SLC4A10: variants seen among roughly 807,000 people sequenced by gnomAD.
SLC4A10 encodes the protein solute carrier family 4 member 10, also known as sodium-driven chloride bicarbonate exchanger.
In SLC4A10, 42 loss-of-function variants were observed where a neutral mutation model predicts 137.7. That is an observed-to-expected ratio of 0.30 (90% confidence interval 0.24 to 0.39). SLC4A10 has a LOEUF of 0.39. Ranked by LOEUF, SLC4A10 falls within the 10% of genes least tolerant of loss-of-function variation. The pLI, the probability that SLC4A10 is intolerant of heterozygous loss-of-function variation, is 1.00. For synonymous variants in SLC4A10, 474 were observed against 464.1 expected (o/e 1.02, Z -0.27); for missense variants, 925 against 1,355.0 (o/e 0.68, Z 4.98).
At chr2:161,971,860 G>C (rs973948663) in intron 23 of SLC4A10, among the ~76,000 whole-genome samples, 6 of 152,134 alleles carry the variant, frequency 3.9e-5, no homozygotes, top group Non-Finnish European at 7.3e-5. Context: ...ATAGAATTAT[G>C]ACTAGTATAA....
At chr2:161,771,717 T>A (rs1022277195) in intron 2 of SLC4A10, among the ~76,000 whole-genome samples, 13 of 151,908 alleles carry the variant, frequency 8.6e-5, no homozygotes, top group African/African-American at 2.9e-4. Context: ...TTACTTAGAA[T>A]AGTACCTGGC....
chr2:161,870,862 T>C (rs2061074361), intron 6 of SLC4A10, among the ~76,000 whole-genome samples: 1 of 151,884 alleles, frequency 6.6e-6, no homozygotes, highest in African/African-American at 2.4e-5. Context: ...AAAGTCATTT[T>C]ATTTTCATCT....
intron 17 of SLC4A10, among the ~76,000 whole-genome samples, chr2:161,948,835 T>G (rs2105807424): frequency 6.6e-6 from 1 of 152,246 alleles, no homozygotes; most frequent in South Asian, 2.1e-4. Flanking sequence ...TTCTGCATTC[T>G]GAATATTCAC....
intron 10 of SLC4A10, among the ~76,000 whole-genome samples, chr2:161,892,971 A>G (rs2063072539): frequency 6.6e-6 from 1 of 152,092 alleles, no homozygotes; most frequent in African/African-American, 2.4e-5. Flanking sequence ...TTTCATCAAG[A>G]TGTAGGAGAG....
intron 3 of SLC4A10, among the ~76,000 whole-genome samples, chr2:161,832,229 G>C (rs746533971): frequency 1.3e-5 from 2 of 152,164 alleles, no homozygotes; most frequent in African/African-American, 2.4e-5. Context: ...CAACACAAAT[G>C]ATGATACTCT....
In SLC4A10 at chr2:161,900,956, G is replaced by C; in HGVS notation, c.1387G>C (p.Gly463Arg). ...TGTACCAAATGGAACAGCAGCTCATGGGGAAGCAGAGCCCCACGGAGGACA... is the reference window on the plus strand; with the variant it reads ...TGTACCAAATGGAACAGCAGCTCATCGGGAAGCAGAGCCCCACGGAGGACA... The part of the protein sequence containing the change: ...PAVPNGTAAH[G>R]EAEPHGGHSG... Residue 463 changes from glycine (G) to arginine (R), a missense_variant, in exon 12 of 27, where the codon GGG (glycine) becomes CGG (arginine). Coordinates refer to ENST00000446997, the MANE Select transcript of SLC4A10 (RefSeq NM_001178015.2). 1 of 1,568,686 alleles carries C rather than the reference G, an allele frequency of 6.4e-7. No individual in the cohort carries two copies. The highest frequency in any genetic ancestry group is 8.6e-7 in the Non-Finnish European group (1 of 1,156,148).
At chr2:161,802,243 C>T (rs1336581949) in intron 2 of SLC4A10, among the ~76,000 whole-genome samples, 1 of 152,068 alleles carries the variant, frequency 6.6e-6, no homozygotes, top group Non-Finnish European at 1.5e-5. Flanking sequence ...AGATTTACAT[C>T]CGTTCTTAAA....
rs764540878 is a variant in SLC4A10 at position 161,836,548 on chromosome 2, GAAAGAAAGAAAGAA to G, written c.278-3239_278-3226del. On this transcript the variant is annotated intron_variant, in intron 3 of 26. Transcript: ENST00000446997. ...AGAGAGAGAGAAAGAAAGAAAGAAA[GAAAGAAAGAAAGAA>G]AGAAAGAAAGAAAGAAAGAAAGAAA... is the stretch of plus-strand genomic sequence containing the variant. Among the ~76,000 whole-genome samples the G allele has an allele frequency of 2.4e-4, 16 of 66,680 alleles. No individual in the cohort carries two copies. In the East Asian group the frequency reaches 3.9e-3, roughly 16 times the overall value. The allele number at this position is 66,680 out of a possible 152,430, so 43.7% of individuals were successfully genotyped here. A position where few individuals can be genotyped will look rare whatever the true frequency, so the allele number is the denominator to read the frequency against.
chr2:161,789,341 A>G (rs1346549594), intron 2 of SLC4A10, among the ~76,000 whole-genome samples: 1 of 152,168 alleles, frequency 6.6e-6, no homozygotes. Context: ...TGAGTTCCTC[A>G]GGAGTCAGTG....
At chr2:161,764,886 T>C (rs1302565687) in intron 1 of SLC4A10, among the ~76,000 whole-genome samples, 3 of 152,262 alleles carry the variant, frequency 2.0e-5, no homozygotes, top group Middle Eastern at 6.8e-3. Flanking sequence ...TTAGCACAAC[T>C]GACACTTCTA....
intron 1 of SLC4A10, among the ~76,000 whole-genome samples, chr2:161,643,324 G>GA (rs1232103417): frequency 6.6e-6 from 1 of 152,038 alleles, no homozygotes; most frequent in Non-Finnish European, 1.5e-5. Context: ...ATTAGCATTT[G>GA]AAAAAGCATT....
At chr2:161,772,155 A>G (rs2051700638) in intron 2 of SLC4A10, among the ~76,000 whole-genome samples, 1 of 151,856 alleles carries the variant, frequency 6.6e-6, no homozygotes, top group African/African-American at 2.4e-5. Flanking sequence ...GGGCCTATTG[A>G]TTTCCTATGC....
chr2:161,701,733 T>C lies in SLC4A10; in HGVS notation c.49-69240T>C, dbSNP rs138567725. On this transcript the variant is annotated intron_variant, in intron 1 of 26. Transcript: ENST00000446997. ...CAATTTCTGTTTATCCCCCTTCCTT[T>C]TACCCTTCCTAGCTTCTCATAACCA... Among the ~76,000 whole-genome samples the C allele has an allele frequency of 2.6e-3, 402 of 151,988 alleles. 1 individual carries two copies. The highest frequency in any genetic ancestry group is 4.9e-3 in the Admixed American group (75 of 15,218).
chr2:161,841,794 G>A (rs1448705739), intron 4 of SLC4A10, among the ~76,000 whole-genome samples: 3 of 152,130 alleles, frequency 2.0e-5, no homozygotes, highest in Non-Finnish European at 4.4e-5. Flanking sequence ...TGGCAGAAAA[G>A]TAAAAATACT....
At chr2:161,955,263 A>G (rs1695454464) in intron 19 of SLC4A10, among the ~76,000 whole-genome samples, 1 of 152,146 alleles carries the variant, frequency 6.6e-6, no homozygotes, top group Non-Finnish European at 1.5e-5. Flanking sequence ...TATTCTATGG[A>G]ATTACATCTT....
At chr2:161,770,936 G>C (rs376418476) in intron 1 of SLC4A10, 37 bp from the exon 2 acceptor site, 1 of 1,421,632 alleles carries the variant, frequency 7.0e-7, no homozygotes, top group East Asian at 2.3e-5. Flanking sequence ...GATAATATGT[G>C]TGTTATCATT....
chr2:161,699,679 T>C (rs2042934427), intron 1 of SLC4A10, among the ~76,000 whole-genome samples: 1 of 152,226 alleles, frequency 6.6e-6, no homozygotes, highest in Non-Finnish European at 1.5e-5. Context: ...GAAGTTAAAA[T>C]TGAGGATTAA....
At chr2:161,671,590 C>A (rs1216566277) in intron 1 of SLC4A10, among the ~76,000 whole-genome samples, 2 of 152,130 alleles carry the variant, frequency 1.3e-5, no homozygotes, top group Non-Finnish European at 2.9e-5. Flanking sequence ...GTACTATGCT[C>A]ACCACCTGGG....
At chr2:161,642,432 A>T (rs1320513333) in intron 1 of SLC4A10, among the ~76,000 whole-genome samples, 1 of 152,026 alleles carries the variant, frequency 6.6e-6, no homozygotes, top group Non-Finnish European at 1.5e-5. Context: ...AAAAGATTTG[A>T]TGATTATGTT....
Sources: allele counts gnomAD v4.1 joint callset (sites outside exome capture counted in the v4.1 genomes callset), GRCh38; gene constraint gnomAD v4.1.1; transcripts MANE v1.5; gene names NCBI Gene and HGNC (gene_info 2026-07-23, HGNC 2026-07-21).